The following DAAM2 variants were observed in gnomAD, a reference collection of about 807,000 sequenced individuals.
DAAM2 encodes dishevelled associated activator of morphogenesis 2, also known as disheveled-associated activator of morphogenesis 2.
DAAM2 carries 39 observed loss-of-function variants against 120.7 expected under a neutral mutation model. That is an observed-to-expected ratio of 0.32 (90% confidence interval 0.25 to 0.42). DAAM2 has a LOEUF of 0.42. DAAM2 is among the 10% of genes least tolerant of loss of function. The probability of loss-of-function intolerance (pLI) is 1.00; values close to 1 mark genes in which losing one functional copy is unlikely to be tolerated. For synonymous variants in DAAM2, 488 were observed against 524.9 expected (o/e 0.93, Z 0.96); for missense variants, 1,283 against 1,401.7 (o/e 0.92, Z 1.35).
chr6:39,896,736 C>T (rs1206790363), intron 19 of DAAM2, 76 bp from the exon 20 acceptor site: 2 of 1,323,982 alleles, frequency 1.5e-6, no homozygotes, highest in African/African-American at 1.5e-5. Context: ...TTTGCGGTGG[C>T]ATCTTCCTGG....
chr6:39,891,368 G>A lies in DAAM2; in HGVS notation c.2173G>A (p.Asp725Asn), dbSNP rs1162731945. 1 of 1,610,650 alleles carries A rather than the reference G, an allele frequency of 6.2e-7. No individual in the cohort carries two copies. The highest frequency in any genetic ancestry group is 1.7e-5 in the Admixed American group (1 of 59,658). Residue 725 changes from aspartate (D) to asparagine (N), a missense_variant, in exon 18 of 25, where the codon GAC becomes AAC. Transcript: ENST00000274867. ...CCTCAAGTTCATCCCAGAGAAGAGT[G>A]ACATTGACCTCCTGGAGGAGCACAA... is the stretch of plus-strand genomic sequence containing the variant. ...QLLKFIPEKSDIDLLEEHKHE... is the reference protein window; with the variant it reads ...QLLKFIPEKSNIDLLEEHKHE...
intron 14 of DAAM2, among the ~76,000 whole-genome samples, chr6:39,882,904 C>T (rs958145729): frequency 3.3e-5 from 5 of 152,094 alleles, no homozygotes; most frequent in African/African-American, 1.2e-4. Flanking sequence ...TGACTCTGGC[C>T]TAGCCTCCCC....
intron 3 of DAAM2, 50 bp from the exon 4 acceptor site, chr6:39,864,383 C>A: frequency 6.9e-7 from 1 of 1,447,348 alleles, no homozygotes; most frequent in Non-Finnish European, 9.6e-7. Context: ...GATCTCAGGC[C>A]ACGGGCCTGT....
intron 8 of DAAM2, 129 bp downstream of exon 8, chr6:39,870,572 A>G (rs1764618404): frequency 4.5e-6 from 3 of 669,170 alleles, no homozygotes; most frequent in Non-Finnish European, 8.0e-6. Flanking sequence ...CAGATTCAGA[A>G]TCAGCTCTGT....
intron 1 of DAAM2, among the ~76,000 whole-genome samples, chr6:39,815,876 C>A (rs910058354): frequency 6.6e-6 from 1 of 152,222 alleles, no homozygotes; most frequent in African/African-American, 2.4e-5. Context: ...AAACAGGTCC[C>A]CCTCTTTATT....
intron 1 of DAAM2, among the ~76,000 whole-genome samples, chr6:39,828,883 A>C (rs1762777553): frequency 6.6e-6 from 1 of 152,182 alleles, no homozygotes; most frequent in African/African-American, 2.4e-5. Flanking sequence ...ATCACTTCCC[A>C]AAAGGCCCCA....
At chr6:39,849,342 T>C (rs575697767) in intron 1 of DAAM2, among the ~76,000 whole-genome samples, 2 of 152,330 alleles carry the variant, frequency 1.3e-5, no homozygotes, top group East Asian at 1.9e-4. Flanking sequence ...GTAAAACTAA[T>C]GAAATTACAG....
At chr6:39,888,375 GC>G (rs1403107179) in intron 16 of DAAM2, 13 of 206,278 alleles carry the variant, frequency 6.3e-5, no homozygotes, top group Non-Finnish European at 9.7e-5. Context: ...GGAACCCTTT[GC>G]CCTGTCCCTT....
intron 1 of DAAM2, among the ~76,000 whole-genome samples, chr6:39,842,384 C>A (rs1763378040): frequency 6.6e-6 from 1 of 152,280 alleles, no homozygotes; most frequent in South Asian, 2.1e-4. Context: ...GTAATCCCAG[C>A]ACTTTGGGAG....
chr6:39,804,564 G>GC, intron 1 of DAAM2, among the ~76,000 whole-genome samples: 1 of 151,624 alleles, frequency 6.6e-6, no homozygotes, highest in East Asian at 2.0e-4. Context: ...ATGCATGCAT[G>GC]CGCACATACA....
chr6:39,835,381 T>A (rs1763064366), intron 1 of DAAM2, among the ~76,000 whole-genome samples: 1 of 152,216 alleles, frequency 6.6e-6, no homozygotes, highest in African/African-American at 2.4e-5. Flanking sequence ...TTTGACTGTG[T>A]CTTACCAGTG....
chr6:39,826,839 C>T (rs1291411998), intron 1 of DAAM2, among the ~76,000 whole-genome samples: 1 of 152,102 alleles, frequency 6.6e-6, no homozygotes, highest in East Asian at 1.9e-4. Context: ...GTCAGGAGCA[C>T]CTTCTCTTTT....
chr6:39,897,202 C>A lies in DAAM2; in HGVS notation c.2538C>A (p.Ile846=). 1 of 1,613,514 alleles carries A rather than the reference C, an allele frequency of 6.2e-7. No individual in the cohort carries two copies. Among genetic ancestry groups the A allele is most frequent in the South Asian group, 1.1e-5 (1 of 91,058 alleles). The change falls in exon 21 of 25, where the codon ATC becomes ATA. Residue 846 remains isoleucine (I), a synonymous_variant. Coordinates refer to ENST00000274867, the MANE Select transcript of DAAM2 (RefSeq NM_001201427.2). ...DRNISLLHYL[I]MILEKHFPDI... ...ACATCTCTCTGCTCCATTACCTGAT[C>A]ATGATCCTGGAGAAGCATTTTCCTG...
chr6:39,878,305 T>C lies in DAAM2; in HGVS notation c.1360+44T>C. ...GCCTGCTGTCCACTCCACATGCCCT[T>C]CCCCTGCCCAGCCCATAACTCCATG... On this transcript the variant is annotated intron_variant, in intron 12 of 24. Transcript: ENST00000274867. The surrounding 1 kb of genome is among the most constrained non-coding windows in gnomAD (Gnocchi z 5.0). 1 of 1,612,640 alleles carries C rather than the reference T, an allele frequency of 6.2e-7. No homozygotes were observed. Among genetic ancestry groups the C allele is most frequent in the Non-Finnish European group, 8.5e-7 (1 of 1,179,040 alleles).
chr6:39,843,590 G>T (rs1763438883), intron 1 of DAAM2, among the ~76,000 whole-genome samples: 1 of 152,214 alleles, frequency 6.6e-6, no homozygotes. Context: ...TGAAAATGCA[G>T]GACTCCTTGT....
At chr6:39,887,826 TG>T in intron 16 of DAAM2, 1 of 492,722 alleles carries the variant, frequency 2.0e-6, no homozygotes, top group South Asian at 2.1e-5. Flanking sequence ...GCAGCTGAGT[TG>T]CTCTAAGCCC....
chr6:39,803,356 G>C (rs1157310542), intron 1 of DAAM2, among the ~76,000 whole-genome samples: 2 of 152,152 alleles, frequency 1.3e-5, no homozygotes, highest in African/African-American at 4.8e-5. Flanking sequence ...TGATATACAG[G>C]GATTCCTGAG....
intron 1 of DAAM2, among the ~76,000 whole-genome samples, chr6:39,850,345 G>A (rs1582672197): frequency 6.6e-6 from 1 of 152,028 alleles, no homozygotes; most frequent in Admixed American, 6.6e-5. Flanking sequence ...AGCCTGCCCT[G>A]ACTTCCCCTT....
intron 1 of DAAM2, among the ~76,000 whole-genome samples, chr6:39,840,142 G>A (rs9462576): frequency 0.094 from 14,302 of 152,082 alleles, 1,382 homozygotes; most frequent in East Asian, 0.36. Context: ...CAGGAGGATC[G>A]CTTGAGTCTG....
Sources: gnomAD v4.1 joint callset for allele counts (sites outside exome capture counted in the v4.1 genomes callset) on GRCh38, gnomAD v4.1.1 for gene constraint, Gnocchi (gnomAD v3.1) non-coding constraint, MANE v1.5 for transcripts, NCBI Gene and HGNC (gene_info 2026-07-23, HGNC 2026-07-21) for gene names.